Variants in COL7A1 observed in about 807,000 individuals in gnomAD.
COL7A1 encodes the protein collagen alpha-1(VII) chain.
COL7A1 carries 296 observed loss-of-function variants against 456.2 expected under a neutral mutation model. The ratio of observed to expected loss-of-function variants is 0.65; its 90% CI spans 0.59 to 0.71. The LOEUF (loss-of-function observed/expected upper bound fraction) is 0.71, where lower values mean the gene tolerates loss of function less well. Ranked by LOEUF, COL7A1 falls within the 30% of genes least tolerant of loss-of-function variation. COL7A1 has a pLI of 0.00. For missense variants in COL7A1, 3,441 were observed against 4,017.2 expected (o/e 0.86, Z 3.88); for synonymous variants, 1,464 against 1,525.9 (o/e 0.96, Z 0.95).
At position 48,572,212 on chromosome 3, in the gene COL7A1, A is replaced by G; in HGVS notation, c.6979-41T>C. The G allele has an allele frequency of 3.7e-6, 6 of 1,613,998 alleles. No individual in the cohort carries two copies. Among genetic ancestry groups the G allele is most frequent in the Non-Finnish European group, 4.2e-6 (5 of 1,179,940 alleles). ...AGGAGGCAACACAGGCATCAGTCAC[A>G]GAAAGATGAGACTCCGGAGGGAGGC... On this transcript the variant is annotated intron_variant, in intron 90 of 118. Coordinates refer to ENST00000681320, the MANE Select transcript of COL7A1 (RefSeq NM_000094.4). This position sits in a 1 kb window ranked among gnomAD's most constrained non-coding sequence, Gnocchi z 4.6.
Position 48,588,404 on chromosome 3 carries a change from G to T in COL7A1, c.2588C>A (p.Pro863Gln). 4 of 1,609,112 alleles carry T rather than the reference G, an allele frequency of 2.5e-6. No individual in the cohort carries two copies. The highest frequency in any genetic ancestry group is 3.4e-6 in the Non-Finnish European group (4 of 1,179,728). ...GTPVSIVVTT[P>Q]PEAPPALGTL... Reference sequence around the variant, plus strand: ...CCCCAGGGCTGGCGGAGCCTCAGGCGCTGGAGAGAAAGCTCAGGAATCAGG... The same window carrying T: ...CCCCAGGGCTGGCGGAGCCTCAGGCTCTGGAGAGAAAGCTCAGGAATCAGG... The change falls in exon 21 of 119, where the codon CCG becomes CAG. Residue 863 changes from proline to glutamine, a missense_variant and splice_region_variant. By Grantham distance (76) the Pro-to-Gln change is moderately conservative. Around this residue, in one of 3 missense-constraint regions of COL7A1, gnomAD observed 444 missense variants for 427.6 expected, o/e 1.04. Coordinates refer to ENST00000681320, the MANE Select transcript of COL7A1 (RefSeq NM_000094.4). This position sits in a 1 kb window ranked among gnomAD's most constrained non-coding sequence, Gnocchi z 4.6.
rs2044919517 is a variant in COL7A1 at position 48,583,284 on chromosome 3, A to C, written c.4437+109T>G. 5 of 1,604,560 alleles carry C rather than the reference A, an allele frequency of 3.1e-6. No individual in the cohort carries two copies. The highest frequency in any genetic ancestry group is 4.3e-6 in the Non-Finnish European group (5 of 1,173,392). On this transcript the variant is annotated intron_variant, in intron 42 of 118. Transcript: ENST00000681320. This position sits in a 1 kb window ranked among gnomAD's most constrained non-coding sequence, Gnocchi z 5.1. ...TCCAACCACCCCCTCCAAAACCACG[A>C]CCTCTGACCTGGAGGGAACTCTTAT...
At chr3:48,576,950 C>A in intron 66 of COL7A1, 31 bp from the exon 67 acceptor site, 1 of 1,614,034 alleles carries the variant, frequency 6.2e-7, no homozygotes, top group East Asian at 2.2e-5. Context: ...TCAGGCATGG[C>A]TCCAAGCAGA....
At position 48,578,742 on chromosome 3, in the gene COL7A1, C is replaced by T. The variant is rs1034658879; in HGVS notation, c.5424+177G>A. On this transcript the variant is annotated intron_variant, in intron 63 of 118. Coordinates refer to ENST00000681320, the MANE Select transcript of COL7A1 (RefSeq NM_000094.4). The surrounding 1 kb of genome is among the most constrained non-coding windows in gnomAD (Gnocchi z 4.7). ...GGAGGGCCTATGAAGACCCCCAAGG[C>T]AAAGAAGGTCAGAAAGGGGGATTCT... Among the ~76,000 whole-genome samples the T allele has an allele frequency of 5.9e-5, 9 of 152,166 alleles. No homozygotes were observed. Among genetic ancestry groups the T allele is most frequent in the African/African-American group, 2.2e-4 (9 of 41,438 alleles).
Position 48,572,964 on chromosome 3 carries a change from A to T in COL7A1, c.6751-22T>A. 2 of 1,614,016 alleles carry T rather than the reference A, an allele frequency of 1.2e-6. No homozygotes were observed. The highest frequency in any genetic ancestry group is 1.7e-6 in the Non-Finnish European group (2 of 1,179,994). ...CCCCCTGAGAGGGAAGAGCTCTGTC[A>T]GGGCTGCCTGTCGACCCTTGACCCC... On this transcript the variant is annotated intron_variant, in intron 86 of 118. Coordinates refer to ENST00000681320, the MANE Select transcript of COL7A1 (RefSeq NM_000094.4). The surrounding 1 kb of genome is among the most constrained non-coding windows in gnomAD (Gnocchi z 4.6).
chr3:48,577,060 T>A (rs1227681390), intron 65 of COL7A1, 33 bp from the exon 66 acceptor site: 1 of 1,613,646 alleles, frequency 6.2e-7, no homozygotes. Context: ...AGCCCAAACA[T>A]TCACTGGTGT....
rs199742042 is a variant in COL7A1, at chr3:48,570,971, G to A, written c.7165-3C>T. ...AGGCCAGGGAGGCCCAGATCTCCCT[G>A]AAATAAAAACAGCAAAGGGAGGGAA... On this transcript the variant is annotated splice_region_variant and splice_polypyrimidine_tract_variant and intron_variant, in intron 94 of 118. Coordinates refer to ENST00000681320, the MANE Select transcript of COL7A1 (RefSeq NM_000094.4). The surrounding 1 kb of genome is among the most constrained non-coding windows in gnomAD (Gnocchi z 5.5). 12 of 1,613,280 alleles carry A rather than the reference G, an allele frequency of 7.4e-6. No homozygotes were observed. Among genetic ancestry groups the A allele is most frequent in the Admixed American group, 3.3e-5 (2 of 59,886 alleles).
At position 48,580,750 on chromosome 3, in the gene COL7A1, C is replaced by T. The variant is rs1016793471; in HGVS notation, c.4981-98G>A. ...CCCAGGTTCCCCATTACTCCAAAAT[C>T]CACATCAGAGGTTCCCATCACCCCA... On this transcript the variant is annotated intron_variant, in intron 54 of 118. Transcript: ENST00000681320. This position sits in a 1 kb window ranked among gnomAD's most constrained non-coding sequence, Gnocchi z 4.5. 2.4e-5 allele frequency: 37 copies of T among 1,568,814 alleles called. No individual in the cohort carries two copies. The Admixed American group carries it at 5.7e-4, about 24-fold the overall frequency.
chr3:48,581,888 C>A lies in COL7A1; in HGVS notation c.4668+23G>T, dbSNP rs1443920867. ...TAGACCTCAACCCTGTAGAAACCTC[C>A]CCTTGCCCCATACCAGGCTTACCTT... On this transcript the variant is annotated intron_variant, in intron 48 of 118. Coordinates refer to ENST00000681320, the MANE Select transcript of COL7A1 (RefSeq NM_000094.4). The surrounding 1 kb of genome is among the most constrained non-coding windows in gnomAD (Gnocchi z 5.8). 2 of 1,614,000 alleles carry A rather than the reference C, an allele frequency of 1.2e-6. No individual in the cohort carries two copies. The highest frequency in any genetic ancestry group is 1.7e-6 in the Non-Finnish European group (2 of 1,180,040).
Position 48,587,766 on chromosome 3 carries a change from G to T in COL7A1, c.2857+27C>A, listed in dbSNP as rs1183012612. 3.7e-6 allele frequency: 6 copies of T among 1,613,426 alleles called. No homozygotes were observed. The South Asian group carries it at 6.6e-5, about 18-fold the overall frequency. On this transcript the variant is annotated intron_variant, in intron 22 of 118. Transcript: ENST00000681320. This position sits in a 1 kb window ranked among gnomAD's most constrained non-coding sequence, Gnocchi z 6.1. ...TCAGGGTGGGTCATCAGCAGGGGAGGAGCACGCCAAGGTGAGGCAGGCTTA... is the reference window on the plus strand; with the variant it reads ...TCAGGGTGGGTCATCAGCAGGGGAGTAGCACGCCAAGGTGAGGCAGGCTTA...
Position 48,565,008 on chromosome 3 carries a change from G to T in COL7A1, c.8621-28C>A, listed in dbSNP as rs775264233. 1 of 1,613,992 alleles carries T rather than the reference G, an allele frequency of 6.2e-7. No individual in the cohort carries two copies. Among genetic ancestry groups the T allele is most frequent in the South Asian group, 1.1e-5 (1 of 91,088 alleles). On this transcript the variant is annotated intron_variant, in intron 117 of 118. Coordinates refer to ENST00000681320, the MANE Select transcript of COL7A1 (RefSeq NM_000094.4). This position sits in a 1 kb window ranked among gnomAD's most constrained non-coding sequence, Gnocchi z 4.5. ...GGGCCAATGGGGTCAAGTCAGCAGG[G>T]TTTGTGGGAATCAGAGAGGGTTGAA...
chr3:48,593,844 G>C lies in COL7A1; in HGVS notation c.267-148C>G. ...TCATTCTCCACACCCACTTGCCTCT[G>C]GAACCCCCAGGTTAACAAACTCCCC... On this transcript the variant is annotated intron_variant, in intron 3 of 118. Coordinates refer to ENST00000681320, the MANE Select transcript of COL7A1 (RefSeq NM_000094.4). This position sits in a 1 kb window ranked among gnomAD's most constrained non-coding sequence, Gnocchi z 4.4. 1 of 982,640 alleles carries C rather than the reference G, an allele frequency of 1.0e-6. No individual in the cohort carries two copies. Among genetic ancestry groups the C allele is most frequent in the Non-Finnish European group, 1.6e-6 (1 of 638,254 alleles). 60.9% of individuals were successfully genotyped at this position (982,640 alleles called of 1,614,324 possible). A position where few individuals can be genotyped will look rare whatever the true frequency, so the allele number is the denominator to read the frequency against.
At position 48,575,493 on chromosome 3, in the gene COL7A1, C is replaced by T. The variant is rs1342925232; in HGVS notation, c.6026G>A (p.Gly2009Glu). Residue 2009 changes from glycine to glutamate, a missense_variant, in exon 74 of 119, where the codon GGA becomes GAA. Physicochemically the swap from Gly to Glu is moderately conservative, Grantham distance 98. Transcript: ENST00000681320. This position sits in a 1 kb window ranked among gnomAD's most constrained non-coding sequence, Gnocchi z 6.3. ...PGERGLKGDR[G>E]DPGPQGPPGL... ...AGGTGGCCCCTGAGGGCCAGGGTCT[C>T]CACGGTCGCCCTTCAGCCCGCGTTC... 6.2e-7 allele frequency: 1 copy of T among 1,612,408 alleles called. No individual in the cohort carries two copies.
Position 48,568,616 on chromosome 3 carries a change from A to G in COL7A1, c.7759-82T>C, listed in dbSNP as rs377375908. 6.5e-7 allele frequency: 1 copy of G among 1,528,914 alleles called. No homozygotes were observed. 94.7% of individuals were successfully genotyped at this position (1,528,914 alleles called of 1,614,324 possible). A position where few individuals can be genotyped will look rare whatever the true frequency, so the allele number is the denominator to read the frequency against. On this transcript the variant is annotated intron_variant, in intron 104 of 118. Transcript: ENST00000681320. This position sits in a 1 kb window ranked among gnomAD's most constrained non-coding sequence, Gnocchi z 5.2. ...ATCCGCTGCATGTGTGGCCACTCAGATGCTCAGCGGCCAGGGCCCAGGCCA... is the reference window on the plus strand; with the variant it reads ...ATCCGCTGCATGTGTGGCCACTCAGGTGCTCAGCGGCCAGGGCCCAGGCCA...
At chr3:48,589,144 G>C in intron 18 of COL7A1, 149 bp from the exon 19 acceptor site, 1 of 1,489,932 alleles carries the variant, frequency 6.7e-7, no homozygotes, top group Non-Finnish European at 9.3e-7. Context: ...TCAGTGCCTT[G>C]GGGTGGGCAG....
intron 37 of COL7A1, 68 bp from the exon 38 acceptor site, chr3:48,584,129 AG>A (rs1196006891): frequency 1.2e-6 from 2 of 1,611,696 alleles, no homozygotes; most frequent in African/African-American, 2.7e-5. Context: ...AGGAGTGATG[AG>A]GGTCATGGGG....
At position 48,587,508 on chromosome 3, in the gene COL7A1, C is replaced by T. The variant is rs772093867; in HGVS notation, c.2904G>A (p.Ser968=). 5.6e-6 allele frequency: 9 copies of T among 1,613,438 alleles called. No individual in the cohort carries two copies. Among genetic ancestry groups the T allele is most frequent in the Non-Finnish European group, 5.1e-6 (6 of 1,180,020 alleles). The part of the protein sequence containing the change: ...PSIELRVVDT[S]IDSVTLAWTP... ...TCCAGGCCAAAGTCACCGAGTCGAT[C>T]GAGGTGTCCACCACACGTAGTTCAA... is the stretch of plus-strand genomic sequence containing the variant. Residue 968 remains serine (S), a synonymous_variant, in exon 23 of 119, where the codon TCG becomes TCA. Transcript: ENST00000681320. This position sits in a 1 kb window ranked among gnomAD's most constrained non-coding sequence, Gnocchi z 6.1.
In COL7A1 at chr3:48,564,608, G is replaced by A. The variant is rs2043521708; in HGVS notation, c.8818+175C>T. 2.0e-5 allele frequency: 20 copies of A among 1,017,820 alleles called. No individual in the cohort carries two copies. The highest frequency in any genetic ancestry group is 2.6e-5 in the East Asian group (1 of 38,366). The allele number at this position is 1,017,820 out of a possible 1,614,324, so 63.0% of individuals were successfully genotyped here. On this transcript the variant is annotated intron_variant, in intron 118 of 118. Coordinates refer to ENST00000681320, the MANE Select transcript of COL7A1 (RefSeq NM_000094.4). This position sits in a 1 kb window ranked among gnomAD's most constrained non-coding sequence, Gnocchi z 6.0. ...AAGGGGACCCTACTGGGGGCTCCACGGCTGGGGCTCTATATTCAGCTCTTT... is the reference window on the plus strand; with the variant it reads ...AAGGGGACCCTACTGGGGGCTCCACAGCTGGGGCTCTATATTCAGCTCTTT...
In COL7A1 at chr3:48,564,911, A is replaced by G; in HGVS notation, c.8690T>C (p.Val2897Ala). 1 of 1,614,206 alleles carries G rather than the reference A, an allele frequency of 6.2e-7. No individual in the cohort carries two copies. Among genetic ancestry groups the G allele is most frequent in the Non-Finnish European group, 8.5e-7 (1 of 1,180,024 alleles). ...AYTLRWYHRA[V>A]TGSTEACHPF... Reference sequence around the variant, plus strand: ...GTGACAGGCCTCTGTGCTGCCTGTCACAGCCCGATGGTACCAGCGCAGGGT... The same window carrying G: ...GTGACAGGCCTCTGTGCTGCCTGTCGCAGCCCGATGGTACCAGCGCAGGGT... Residue 2897 changes from valine (V) to alanine (A), a missense_variant, in exon 118 of 119, where the codon GTG (valine) becomes GCG (alanine). Val to Ala is a moderately conservative substitution (Grantham distance 64). Transcript: ENST00000681320. This position sits in a 1 kb window ranked among gnomAD's most constrained non-coding sequence, Gnocchi z 6.0.
Sources: gnomAD v4.1 joint callset for allele counts (sites outside exome capture counted in the v4.1 genomes callset) on GRCh38, gnomAD v4.1.1 for gene constraint, gnomAD v4.1.1 regional missense constraint, Gnocchi (gnomAD v3.1) non-coding constraint, MANE v1.5 for transcripts, NCBI Gene and HGNC (gene_info 2026-07-23, HGNC 2026-07-21) for gene names.